Variants in LRMDA observed in about 807,000 individuals in gnomAD.
LRMDA encodes the protein leucine rich melanocyte differentiation associated.
A neutral mutation model predicts 29.8 loss-of-function variants in LRMDA; 18 were observed. That is an observed-to-expected ratio of 0.60 (90% confidence interval 0.42 to 0.90). The LOEUF (loss-of-function observed/expected upper bound fraction) is 0.90, where lower values mean the gene tolerates loss of function less well. Among genes scored for constraint, LRMDA ranks in the 40% least tolerant of loss-of-function variants. LRMDA has a pLI of 0.00. For synonymous variants in LRMDA, 125 were observed against 109.4 expected, an observed-to-expected ratio of 1.14 and a Z score of -0.89; for missense variants, 273 against 273.9, an observed-to-expected ratio of 1.00 and a Z score of 0.02.
intron 2 of LRMDA, 87 bp from the exon 3 acceptor site, chr10:76,035,921 A>AG: frequency 6.6e-7 from 1 of 1,510,368 alleles, no homozygotes; most frequent in South Asian, 1.3e-5. Flanking sequence ...CAGTCCTGAA[A>AG]GGGAAGGTTA....
intron 6 of LRMDA, among the ~76,000 whole-genome samples, chr10:76,337,251 T>C (rs978532973): frequency 6.6e-6 from 1 of 152,200 alleles, no homozygotes; most frequent in African/African-American, 2.4e-5. Flanking sequence ...TGGGCAAACA[T>C]TTCTGCCTTC....
At chr10:76,168,959 A>T (rs1850787874) in intron 5 of LRMDA, among the ~76,000 whole-genome samples, 1 of 152,208 alleles carries the variant, frequency 6.6e-6, no homozygotes, top group Non-Finnish European at 1.5e-5. Context: ...TATCCACTGT[A>T]TAGGTACTTT....
At chr10:75,821,921 C>G (rs1844168737) in intron 2 of LRMDA, among the ~76,000 whole-genome samples, 1 of 152,124 alleles carries the variant, frequency 6.6e-6, no homozygotes, top group African/African-American at 2.4e-5. Flanking sequence ...CTTCTAAGAA[C>G]TGGAACAAGA....
At chr10:75,656,431 G>T (rs537901130) in intron 2 of LRMDA, among the ~76,000 whole-genome samples, 3 of 152,198 alleles carry the variant, frequency 2.0e-5, no homozygotes, top group Non-Finnish European at 4.4e-5. Flanking sequence ...GGTTGCTGTT[G>T]TTACTGTTTT....
intron 2 of LRMDA, among the ~76,000 whole-genome samples, chr10:76,020,435 C>A (rs1332944783): frequency 6.6e-6 from 1 of 152,224 alleles, no homozygotes; most frequent in East Asian, 1.9e-4. Flanking sequence ...GAAGCACCTG[C>A]ACTTACATTT....
At chr10:76,128,744 C>T (rs867138173) in intron 5 of LRMDA, among the ~76,000 whole-genome samples, 3 of 152,184 alleles carry the variant, frequency 2.0e-5, no homozygotes, top group African/African-American at 7.2e-5. Context: ...CCCTAGAGTA[C>T]AAGGCGAGGG....
chr10:75,614,942 G>A (rs1252704240), intron 2 of LRMDA, among the ~76,000 whole-genome samples: 1 of 152,168 alleles, frequency 6.6e-6, no homozygotes, highest in Non-Finnish European at 1.5e-5. Context: ...GGAGTTAGGT[G>A]CTCACCAAGC....
chr10:75,475,165 T>G (rs1024186025), intron 2 of LRMDA, among the ~76,000 whole-genome samples: 4 of 152,282 alleles, frequency 2.6e-5, no homozygotes, highest in African/African-American at 9.6e-5. Flanking sequence ...GCACCCCTGG[T>G]TGGGCACATG....
rs1409102891 is a variant in LRMDA at position 75,747,243 on chromosome 10, G to A, written c.132-288765G>A. Among the ~76,000 whole-genome samples the A allele has an allele frequency of 2.0e-5, 3 of 151,846 alleles. 1 individual carries two copies. The highest frequency in any genetic ancestry group is 4.2e-4 in the South Asian group (2 of 4,818). On this transcript the variant is annotated intron_variant, in intron 2 of 6. Coordinates refer to ENST00000611255, the MANE Select transcript of LRMDA (RefSeq NM_001305581.2). ...GGTTTAGAAAAAATAATTAGATTACGAGGTTAAGCCACAGTTAAGATAAAA... is the reference window on the plus strand; with the variant it reads ...GGTTTAGAAAAAATAATTAGATTACAAGGTTAAGCCACAGTTAAGATAAAA...
At chr10:76,509,362 G>A (rs933533606) in intron 6 of LRMDA, among the ~76,000 whole-genome samples, 3 of 152,246 alleles carry the variant, frequency 2.0e-5, no homozygotes, top group East Asian at 3.9e-4. Flanking sequence ...GAGAACAGGC[G>A]TGACTCTACC....
At chr10:76,214,726 T>C (rs1851698978) in intron 5 of LRMDA, among the ~76,000 whole-genome samples, 1 of 152,192 alleles carries the variant, frequency 6.6e-6, no homozygotes. Context: ...GACTAGATAG[T>C]TATGGCATGG....
intron 2 of LRMDA, among the ~76,000 whole-genome samples, chr10:75,746,616 C>A (rs940958051): frequency 3.3e-5 from 5 of 152,096 alleles, no homozygotes; most frequent in Non-Finnish European, 5.9e-5. Flanking sequence ...TTCCTAATGG[C>A]CCCAAAGAAT....
chr10:75,733,678 G>A (rs1842726181), intron 2 of LRMDA, among the ~76,000 whole-genome samples: 1 of 152,130 alleles, frequency 6.6e-6, no homozygotes, highest in African/African-American at 2.4e-5. Context: ...TGCCATTGCT[G>A]GAAGGGAAAG....
chr10:76,271,565 AG>A (rs1199744970), intron 5 of LRMDA, among the ~76,000 whole-genome samples: 1 of 152,176 alleles, frequency 6.6e-6, no homozygotes, highest in Non-Finnish European at 1.5e-5. Flanking sequence ...TTTCTCTTTC[AG>A]CCTCATCCAT....
rs1448373236 is a variant in LRMDA at position 76,498,258 on chromosome 10, T to A, written c.602-58951T>A. Among the ~76,000 whole-genome samples, 3 of 75,500 alleles carry A rather than the reference T, an allele frequency of 4.0e-5. 1 individual carries two copies. The highest frequency in any genetic ancestry group is 9.7e-5 in the African/African-American group (3 of 31,028). The allele number at this position is 75,500 out of a possible 152,430, so 49.5% of individuals were successfully genotyped here. A position where few individuals can be genotyped will look rare whatever the true frequency, so the allele number is the denominator to read the frequency against. ...CAAGGACTTGGGTTCATTACCAGCATTAGCAAGCCTCAAAGGCCTCTCATA... is the reference window on the plus strand; with the variant it reads ...CAAGGACTTGGGTTCATTACCAGCAATAGCAAGCCTCAAAGGCCTCTCATA... On this transcript the variant is annotated intron_variant, in intron 6 of 6. Transcript: ENST00000611255.
intron 2 of LRMDA, among the ~76,000 whole-genome samples, chr10:75,694,017 G>A (rs1842202604): frequency 6.6e-6 from 1 of 152,142 alleles, no homozygotes; most frequent in African/African-American, 2.4e-5. Flanking sequence ...TCCTGGGAAG[G>A]TAATTAGAAA....
At chr10:76,176,541 C>G (rs1850938866) in intron 5 of LRMDA, among the ~76,000 whole-genome samples, 1 of 152,234 alleles carries the variant, frequency 6.6e-6, no homozygotes, top group Non-Finnish European at 1.5e-5. Context: ...CGCCTGCAAT[C>G]TCAGCACTTT....
chr10:76,097,363 A>T (rs11498042), intron 5 of LRMDA, among the ~76,000 whole-genome samples: 1 of 151,870 alleles, frequency 6.6e-6, no homozygotes, highest in Non-Finnish European at 1.5e-5. Flanking sequence ...CAATTCTTAG[A>T]TTCTTTAATT....
intron 2 of LRMDA, among the ~76,000 whole-genome samples, chr10:75,947,759 G>A (rs1351126810): frequency 1.3e-5 from 2 of 152,150 alleles, no homozygotes; most frequent in Non-Finnish European, 2.9e-5. Context: ...AGTTATTTCC[G>A]AAAACACACA....
Sources: gnomAD v4.1 joint callset for allele counts (sites outside exome capture counted in the v4.1 genomes callset) on GRCh38, gnomAD v4.1.1 for gene constraint, MANE v1.5 for transcripts, NCBI Gene and HGNC (gene_info 2026-07-23, HGNC 2026-07-21) for gene names.